Variants in ZNF610 observed in about 807,000 individuals in gnomAD.
ZNF610 encodes zinc finger protein 610, also known as zink finger protein.
In ZNF610, 14 loss-of-function variants were observed where a neutral mutation model predicts 14.1. The ratio of observed to expected loss-of-function variants is 0.99; its 90% confidence interval spans 0.65 to 1.55. ZNF610 has a LOEUF of 1.55. ZNF610 is among the 40% of genes most tolerant of loss of function. ZNF610 has a pLI of 0.00. For missense variants in ZNF610, 530 were observed against 558.0 expected, an observed-to-expected ratio of 0.95 and a Z score of 0.51; for synonymous variants, 185 against 187.6, an observed-to-expected ratio of 0.99 and a Z score of 0.11.
rs202047444 is a variant in ZNF610 at position 52,353,771 on chromosome 19, C to G, written c.153C>G (p.Asp51Glu). ...CTGGACAGAGGGCTTTATACAGGGA[C>G]GTGATGTTGGAGAACTACAGGAACC... The part of the protein sequence containing the change: ...LDPGQRALYR[D>E]VMLENYRNLV... The change falls in exon 4 of 6, where the codon GAC (aspartate) becomes GAG (glutamate). Residue 51 changes from aspartate to glutamate, a missense_variant. Coordinates refer to ENST00000403906, the MANE Select transcript of ZNF610 (RefSeq NM_001161425.2). 23 of 1,612,972 alleles carry G rather than the reference C, an allele frequency of 1.4e-5. No individual in the cohort carries two copies. In the East Asian group the frequency reaches 2.9e-4, roughly 20 times the overall value.
upstream of ZNF610, among the ~76,000 whole-genome samples, chr19:52,335,161 C>A (rs1490007398): frequency 6.6e-6 from 1 of 151,586 alleles, no homozygotes; most frequent in Non-Finnish European, 1.5e-5. Flanking sequence ...AAAAATTAGG[C>A]GGGCGTGGTG....
chr19:52,345,364 G>A (rs60949815), intron 1 of ZNF610: 14 of 152,296 alleles, frequency 9.2e-5, no homozygotes, highest in Middle Eastern at 3.4e-3. Context: ...TAGTCATGAC[G>A]TCATAGTGCA....
Position 52,364,406 on chromosome 19 carries a change from T to C in ZNF610, c.320-1292T>C, listed in dbSNP as rs140127392. Among the ~76,000 whole-genome samples, 384 of 152,336 alleles carry C rather than the reference T, an allele frequency of 2.5e-3. 2 individuals carry two copies. Among genetic ancestry groups the C allele is most frequent in the African/African-American group, 8.6e-3 (358 of 41,574 alleles). ...TTTCATTTGGGTTAGAAGTACTGTC[T>C]GGGGTCCTTTTATTTCCTTTTGAAG... is the stretch of plus-strand genomic sequence containing the variant. On this transcript the variant is annotated intron_variant, in intron 5 of 5. Coordinates refer to ENST00000403906, the MANE Select transcript of ZNF610 (RefSeq NM_001161425.2).
At chr19:52,357,427 C>T (rs556598195) in intron 5 of ZNF610, among the ~76,000 whole-genome samples, 17 of 151,960 alleles carry the variant, frequency 1.1e-4, no homozygotes, top group Non-Finnish European at 2.4e-4. Flanking sequence ...GGGCGGATCA[C>T]GAGGTCAGGA....
intron 5 of ZNF610, among the ~76,000 whole-genome samples, chr19:52,361,455 G>C (rs1050816129): frequency 6.6e-6 from 1 of 152,134 alleles, no homozygotes; most frequent in African/African-American, 2.4e-5. Context: ...GGGATTACAG[G>C]CGTGAGCCAC....
intron 2 of ZNF610, among the ~76,000 whole-genome samples, chr19:52,348,938 G>A (rs189920849): frequency 1.1e-4 from 17 of 152,272 alleles, no homozygotes; most frequent in African/African-American, 3.6e-4. Context: ...TAGCGTGTGT[G>A]CGGGCTTCTC....
At chr19:52,348,034 C>T (rs1176069102) in intron 2 of ZNF610, 90 bp downstream of exon 2, 2 of 152,064 alleles carry the variant, frequency 1.3e-5, no homozygotes, top group African/African-American at 2.4e-5. Context: ...TTTTTATTTA[C>T]AAGTACATAC....
At chr19:52,357,518 G>A (rs774664401) in intron 5 of ZNF610, among the ~76,000 whole-genome samples, 5 of 151,900 alleles carry the variant, frequency 3.3e-5, no homozygotes, top group Non-Finnish European at 7.4e-5. Flanking sequence ...GGTTGCAGAC[G>A]CCTGTAGTCC....
chr19:52,332,359 G>A (rs1984234633), upstream of ZNF610, among the ~76,000 whole-genome samples: 3 of 152,184 alleles, frequency 2.0e-5, no homozygotes, highest in African/African-American at 7.2e-5. This position sits in a 1 kb window ranked among gnomAD's most constrained non-coding sequence, Gnocchi z 4.1. Context: ...CTGGGATAGA[G>A]CAGGAGATGG....
At chr19:52,354,777 C>T (rs1349610399) in intron 5 of ZNF610, among the ~76,000 whole-genome samples, 1 of 151,606 alleles carries the variant, frequency 6.6e-6, no homozygotes, top group East Asian at 1.9e-4. Context: ...CGGAATTTCA[C>T]CATGTTGGAC....
At chr19:52,361,748 CTA>C (rs895225113) in intron 5 of ZNF610, among the ~76,000 whole-genome samples, 11 of 152,160 alleles carry the variant, frequency 7.2e-5, no homozygotes, top group African/African-American at 2.4e-4. Flanking sequence ...GCGTGAAACA[CTA>C]TGCCCAACTG....
intron 1 of ZNF610, among the ~76,000 whole-genome samples, chr19:52,342,520 CTT>C (rs761381882): frequency 1.4e-4 from 20 of 138,610 alleles, no homozygotes; most frequent in South Asian, 2.3e-4. Context: ...ATCTGTTTAA[CTT>C]TTTTTTTTTT....
upstream of ZNF610, among the ~76,000 whole-genome samples, chr19:52,333,331 G>A (rs937678654): frequency 2.6e-5 from 4 of 152,184 alleles, no homozygotes; most frequent in African/African-American, 4.8e-5. Context: ...TAACCAAGCC[G>A]ACAAGGCCTG....
At chr19:52,364,856 G>T (rs866791252) in intron 5 of ZNF610, among the ~76,000 whole-genome samples, 1 of 152,060 alleles carries the variant, frequency 6.6e-6, no homozygotes, top group Non-Finnish European at 1.5e-5. Flanking sequence ...AGGATTACAG[G>T]TATGAGCCAC....
chr19:52,363,237 C>G (rs556862726), intron 5 of ZNF610, among the ~76,000 whole-genome samples: 3 of 151,552 alleles, frequency 2.0e-5, no homozygotes, highest in Non-Finnish European at 2.9e-5. Context: ...TCAAGCGATT[C>G]TTATGCCTCA....
chr19:52,366,453 C>A lies in ZNF610; in HGVS notation c.1075C>A (p.Leu359Ile), dbSNP rs144352698. The change falls in exon 6 of 6, where the codon CTT becomes ATT. Residue 359 changes from leucine to isoleucine, a missense_variant. By Grantham distance (5) the Leu-to-Ile change is conservative. Transcript: ENST00000403906. ...CGKVFSLLSY[L>I]ARHQIIHSTE... ...CAAGGTCTTTAGTCTGCTTTCATAC[C>A]TTGCACGGCATCAAATAATTCATAG... 4,781 of 1,614,170 alleles carry A rather than the reference C, an allele frequency of 3.0e-3. 23 individuals are homozygous for A. Among genetic ancestry groups the A allele is most frequent in the South Asian group, 0.012 (1,111 of 91,084 alleles).
intron 1 of ZNF610, among the ~76,000 whole-genome samples, chr19:52,342,466 C>A (rs1984731274): frequency 6.6e-6 from 1 of 151,190 alleles, no homozygotes; most frequent in Non-Finnish European, 1.5e-5. Flanking sequence ...ATCACTCCCT[C>A]TTCTTTTTTC....
chr19:52,350,425 C>A (rs984545232), intron 3 of ZNF610, among the ~76,000 whole-genome samples: 1 of 152,116 alleles, frequency 6.6e-6, no homozygotes, highest in Non-Finnish European at 1.5e-5. Context: ...CGCCTGTAAT[C>A]CCAGCACTTT....
Position 52,364,418 on chromosome 19 carries a change from A to T in ZNF610, c.320-1280A>T, listed in dbSNP as rs149899053. Among the ~76,000 whole-genome samples, 198 of 152,030 alleles carry T rather than the reference A, an allele frequency of 1.3e-3. 1 individual carries two copies. The East Asian group carries it at 0.035, about 27-fold the overall frequency. Reference sequence around the variant, plus strand: ...TAGAAGTACTGTCTGGGGTCCTTTTATTTCCTTTTGAAGGATTCCCTTTAA... The same window carrying T: ...TAGAAGTACTGTCTGGGGTCCTTTTTTTTCCTTTTGAAGGATTCCCTTTAA... On this transcript the variant is annotated intron_variant, in intron 5 of 5. Transcript: ENST00000403906.
Sources: gnomAD v4.1 joint callset for allele counts (sites outside exome capture counted in the v4.1 genomes callset) on GRCh38, gnomAD v4.1.1 for gene constraint, Gnocchi (gnomAD v3.1) non-coding constraint, MANE v1.5 for transcripts, NCBI Gene and HGNC (gene_info 2026-07-23, HGNC 2026-07-21) for gene names.